Variants in TMTC1 observed in about 807,000 individuals in gnomAD.
TMTC1 encodes protein O-mannosyl-transferase TMTC1.
TMTC1 carries 73 observed loss-of-function variants against 104.8 expected under a neutral mutation model. The observed-to-expected ratio is 0.70, with a 90% CI of 0.58 to 0.85. The LOEUF is 0.85. TMTC1 is among the 40% of genes least tolerant of loss of function. The pLI, the probability that TMTC1 is intolerant of heterozygous loss-of-function variation, is 0.00. For synonymous variants in TMTC1, 434 were observed against 428.7 expected (o/e 1.01, Z -0.15); for missense variants, 1,035 against 1,096.1 (o/e 0.94, Z 0.79).
intron 7 of TMTC1, among the ~76,000 whole-genome samples, chr12:29,588,726 G>A (rs1946205409): frequency 6.6e-6 from 1 of 152,266 alleles, no homozygotes; most frequent in Non-Finnish European, 1.5e-5. Context: ...ATTTTCATGT[G>A]GGTGGTCACA....
chr12:29,543,513 T>C (rs1425834948), intron 10 of TMTC1, among the ~76,000 whole-genome samples: 1 of 152,210 alleles, frequency 6.6e-6, no homozygotes, highest in South Asian at 2.1e-4. Context: ...TTAACCACAG[T>C]GTGAACTTGG....
chr12:29,711,281 A>C (rs950992352), intron 5 of TMTC1, among the ~76,000 whole-genome samples: 3 of 152,094 alleles, frequency 2.0e-5, no homozygotes, highest in African/African-American at 7.2e-5. Context: ...ACAGGGCTAC[A>C]GTTAATGTTT....
At chr12:29,590,194 A>C (rs1224291153) in intron 7 of TMTC1, among the ~76,000 whole-genome samples, 1 of 152,112 alleles carries the variant, frequency 6.6e-6, no homozygotes, top group Non-Finnish European at 1.5e-5. Flanking sequence ...AAAAAAAAAA[A>C]AACCTTTATC....
rs1384019550 is a variant in TMTC1, at chr12:29,518,350, T to C, written c.2024+122A>G. 7 of 1,111,902 alleles carry C rather than the reference T, an allele frequency of 6.3e-6. No individual in the cohort carries two copies. In the African/African-American group the frequency reaches 1.1e-4, roughly 17 times the overall value. The allele number at this position is 1,111,902 out of a possible 1,614,324, so 68.9% of individuals were successfully genotyped here. ...CTTTCTTTGGAGATAAAAATTTGTA[T>C]CACCTGAATTGGCAAAATTTGCTAG... is the stretch of plus-strand genomic sequence containing the variant. On this transcript the variant is annotated intron_variant, in intron 13 of 17. Transcript: ENST00000539277.
intron 6 of TMTC1, among the ~76,000 whole-genome samples, chr12:29,622,673 A>C (rs1300434731): frequency 6.6e-6 from 1 of 152,234 alleles, no homozygotes; most frequent in Non-Finnish European, 1.5e-5. Flanking sequence ...AGAGCACATT[A>C]GTTCACTTTA....
At chr12:29,776,915 A>G (rs1429169832) in intron 1 of TMTC1, among the ~76,000 whole-genome samples, 1 of 152,218 alleles carries the variant, frequency 6.6e-6, no homozygotes, top group African/African-American at 2.4e-5. Flanking sequence ...TGGCCTGTGC[A>G]AAGAACAAGG....
At chr12:29,518,750 T>TA in intron 12 of TMTC1, 143 bp from the exon 13 acceptor site, 2 of 1,046,964 alleles carry the variant, frequency 1.9e-6, no homozygotes, top group Non-Finnish European at 2.6e-6. Context: ...TTAGCTTGCA[T>TA]TTCAGCTTCT....
At chr12:29,738,401 T>C (rs547345284) in intron 5 of TMTC1, among the ~76,000 whole-genome samples, 2 of 152,338 alleles carry the variant, frequency 1.3e-5, no homozygotes, top group South Asian at 4.1e-4. Flanking sequence ...TTTCTCACTA[T>C]TGAAGCTCTA....
chr12:29,579,660 T>C (rs1483734356), intron 8 of TMTC1, among the ~76,000 whole-genome samples: 1 of 152,162 alleles, frequency 6.6e-6, no homozygotes, highest in Non-Finnish European at 1.5e-5. Flanking sequence ...TTTAATCTAA[T>C]CAAATTATGC....
At chr12:29,540,695 AT>A (rs1219066817) in intron 10 of TMTC1, among the ~76,000 whole-genome samples, 1 of 142,490 alleles carries the variant, frequency 7.0e-6, no homozygotes, top group African/African-American at 2.6e-5. Context: ...AAAAAAAAAA[AT>A]CACCGTAGTT....
At position 29,754,338 on chromosome 12, in the gene TMTC1, GAAGA is replaced by G. The variant is rs1157995923; in HGVS notation, c.731+1367_731+1370del. Among the ~76,000 whole-genome samples, 6 of 152,150 alleles carry G rather than the reference GAAGA, an allele frequency of 3.9e-5. No homozygotes were observed. The East Asian group carries it at 1.2e-3, about 29-fold the overall frequency. On this transcript the variant is annotated intron_variant, in intron 4 of 17. Transcript: ENST00000539277. ...CCTGGCTCAACAGTGACTACATGAAGAAGAAAGAAAGAGGTGTAGGCACCAGTGG... is the reference window on the plus strand; with the variant it reads ...CCTGGCTCAACAGTGACTACATGAAGAAGAAAGAGGTGTAGGCACCAGTGG...
chr12:29,616,669 C>CAAAAAA (rs71045821), intron 6 of TMTC1, among the ~76,000 whole-genome samples: 2 of 79,800 alleles, frequency 2.5e-5, no homozygotes, highest in African/African-American at 4.9e-5. Context: ...AACTTGGTCT[C>CAAAAAA]AAAAAAAAAA....
At chr12:29,647,113 C>T (rs1939301517) in intron 5 of TMTC1, among the ~76,000 whole-genome samples, 1 of 152,142 alleles carries the variant, frequency 6.6e-6, no homozygotes, top group Admixed American at 6.5e-5. Flanking sequence ...ACATCTGCCT[C>T]CCGGGTTCAA....
At chr12:29,592,828 A>G (rs544936830) in intron 7 of TMTC1, among the ~76,000 whole-genome samples, 22 of 152,346 alleles carry the variant, frequency 1.4e-4, no homozygotes, top group Admixed American at 3.9e-4. Context: ...TACTATAATG[A>G]TATTACTGTT....
intron 2 of TMTC1, 91 bp from the exon 3 acceptor site, chr12:29,758,868 T>C: frequency 9.0e-7 from 1 of 1,106,582 alleles, no homozygotes; most frequent in Non-Finnish European, 1.3e-6. Context: ...TATTTGTTGT[T>C]AGATAAATGG....
At chr12:29,752,771 T>G (rs1592012055) in intron 4 of TMTC1, among the ~76,000 whole-genome samples, 1 of 152,084 alleles carries the variant, frequency 6.6e-6, no homozygotes, top group East Asian at 1.9e-4. Flanking sequence ...TGAAAGTATG[T>G]AAAATAACAC....
Position 29,608,125 on chromosome 12 carries a change from C to A in TMTC1, c.1129-3826G>T, listed in dbSNP as rs185437538. Among the ~76,000 whole-genome samples the A allele has an allele frequency of 4.8e-3, 731 of 152,268 alleles. 3 individuals carry two copies. The highest frequency in any genetic ancestry group is 7.9e-3 in the Non-Finnish European group (534 of 68,024). On this transcript the variant is annotated intron_variant, in intron 6 of 17. Coordinates refer to ENST00000539277, the MANE Select transcript of TMTC1 (RefSeq NM_001193451.2). ...AGAGATTAAAAATATTCAAGAACAA[C>A]ATACTTATTTGAAAAACATATCAAT... is the stretch of plus-strand genomic sequence containing the variant.
chr12:29,765,340 C>T (rs1029539617), intron 2 of TMTC1, among the ~76,000 whole-genome samples: 11 of 152,250 alleles, frequency 7.2e-5, no homozygotes, highest in Admixed American at 2.6e-4. Context: ...CATTTGAACA[C>T]TACAGCAACT....
At chr12:29,517,839 T>G (rs299434) in intron 13 of TMTC1, among the ~76,000 whole-genome samples, 39,789 of 151,980 alleles carry the variant, frequency 0.26, 5,447 homozygotes, top group African/African-American at 0.28. Flanking sequence ...CTCAGCCTCC[T>G]GAGTAGCAGG....
Sources: allele counts gnomAD v4.1 joint callset (sites outside exome capture counted in the v4.1 genomes callset), GRCh38; gene constraint gnomAD v4.1.1; transcripts MANE v1.5; gene names NCBI Gene and HGNC (gene_info 2026-07-23, HGNC 2026-07-21).